Variants in TRPS1 observed in about 807,000 individuals in gnomAD.
TRPS1 encodes zinc finger transcription factor Trps1.
A neutral mutation model predicts 101.2 loss-of-function variants in TRPS1; 6 were observed. That is an observed-to-expected ratio of 0.06 (90% CI 0.03 to 0.12). The LOEUF is 0.12. Among genes scored for constraint, TRPS1 ranks in the 10% least tolerant of loss-of-function variants. The pLI, the probability that TRPS1 is intolerant of heterozygous loss-of-function variation, is 1.00. For synonymous variants in TRPS1, 578 were observed against 589.8 expected (o/e 0.98, Z 0.29); for missense variants, 1,363 against 1,567.0 (o/e 0.87, Z 2.20).
intron 1 of TRPS1, among the ~76,000 whole-genome samples, chr8:115,631,100 C>G (rs1332567536): frequency 6.6e-6 from 1 of 151,942 alleles, no homozygotes; most frequent in Non-Finnish European, 1.5e-5. Context: ...CCAACATTAC[C>G]AAACTACATG....
chr8:115,466,426 AT>A (rs984469027), intron 5 of TRPS1, among the ~76,000 whole-genome samples: 1 of 152,186 alleles, frequency 6.6e-6, no homozygotes, highest in African/African-American at 2.4e-5. Context: ...CTTTCCCTAA[AT>A]GTAGAGAGAG....
At chr8:115,491,824 A>G (rs1266774967) in intron 5 of TRPS1, among the ~76,000 whole-genome samples, 3 of 152,190 alleles carry the variant, frequency 2.0e-5, no homozygotes, top group Non-Finnish European at 1.5e-5. Flanking sequence ...TATCTAGATA[A>G]TAAGTTAACC....
At chr8:115,607,456 G>C (rs1442674466) in intron 3 of TRPS1, among the ~76,000 whole-genome samples, 4 of 150,156 alleles carry the variant, frequency 2.7e-5, no homozygotes, top group Non-Finnish European at 5.9e-5. Flanking sequence ...CAGGGAAAAT[G>C]TGCCAACTTC....
At chr8:115,668,059 G>A in intron 1 of TRPS1, 1 of 671,136 alleles carries the variant, frequency 1.5e-6, no homozygotes, top group Non-Finnish European at 2.5e-6. Context: ...GAGGGGGAGG[G>A]GGCACCGGCC....
chr8:115,655,044 G>A (rs1312250804), intron 1 of TRPS1, among the ~76,000 whole-genome samples: 3 of 152,236 alleles, frequency 2.0e-5, no homozygotes, highest in African/African-American at 4.8e-5. Context: ...GATGGTGAAC[G>A]GACCCAAGTT....
At chr8:115,571,175 C>T (rs942886129) in intron 5 of TRPS1, among the ~76,000 whole-genome samples, 1 of 152,160 alleles carries the variant, frequency 6.6e-6, no homozygotes. Context: ...AGATATAAAA[C>T]TTAAAAGGTT....
intron 5 of TRPS1, among the ~76,000 whole-genome samples, chr8:115,490,865 C>G (rs904781658): frequency 3.9e-5 from 6 of 152,116 alleles, no homozygotes; most frequent in Non-Finnish European, 5.9e-5. Context: ...CAGATTAAAT[C>G]CAGGAGAGAT....
chr8:115,427,251 T>C, intron 5 of TRPS1, among the ~76,000 whole-genome samples: 1 of 152,142 alleles, frequency 6.6e-6, no homozygotes, highest in East Asian at 1.9e-4. Flanking sequence ...TACTCCAGCC[T>C]GGGCAACAGA....
intron 4 of TRPS1, among the ~76,000 whole-genome samples, chr8:115,592,044 T>C (rs980553785): frequency 6.6e-5 from 10 of 152,192 alleles, no homozygotes; most frequent in African/African-American, 2.2e-4. Flanking sequence ...TGTTAACTAC[T>C]GACGATATGC....
At chr8:115,478,525 C>G (rs1370929780) in intron 5 of TRPS1, among the ~76,000 whole-genome samples, 1 of 152,006 alleles carries the variant, frequency 6.6e-6, no homozygotes, top group Non-Finnish European at 1.5e-5. Context: ...TATTCAAGGC[C>G]GGGCACAGTG....
chr8:115,533,107 A>G (rs903682620), intron 5 of TRPS1, among the ~76,000 whole-genome samples: 13 of 152,166 alleles, frequency 8.5e-5, no homozygotes, highest in African/African-American at 3.1e-4. Context: ...ATAGGATCTA[A>G]AATTTCATAC....
chr8:115,494,775 C>A (rs1815108460), intron 5 of TRPS1, among the ~76,000 whole-genome samples: 1 of 152,134 alleles, frequency 6.6e-6, no homozygotes, highest in Admixed American at 6.5e-5. Context: ...AGAGAAAAAA[C>A]AATATTACCC....
chr8:115,553,635 A>T (rs1158103829), intron 5 of TRPS1, among the ~76,000 whole-genome samples: 2 of 152,182 alleles, frequency 1.3e-5, no homozygotes, highest in African/African-American at 4.8e-5. Context: ...ACAATGAATT[A>T]TTTAGGAGAA....
intron 3 of TRPS1, among the ~76,000 whole-genome samples, chr8:115,617,143 G>A (rs567756271): frequency 1.7e-4 from 26 of 152,192 alleles, no homozygotes; most frequent in Admixed American, 1.2e-3. Context: ...AAATAATCAC[G>A]CGCTGTTGCC....
In TRPS1 at chr8:115,412,353, T is replaced by C. The variant is rs977099244; in HGVS notation, c.*1670A>G. ...CACACACACACAAAAGGATATCTAC[T>C]GCAATAGAAATAGTTGCTTCATTAC... On this transcript the variant is annotated 3_prime_UTR_variant, in exon 7 of 7. Coordinates refer to ENST00000395715, the MANE Select transcript of TRPS1 (RefSeq NM_014112.5). 4.6e-5 allele frequency: 7 copies of C among 152,428 alleles called. No individual in the cohort carries two copies. The highest frequency in any genetic ancestry group is 2.6e-4 in the Admixed American group (4 of 15,230). 9.4% of individuals were successfully genotyped at this position (152,428 alleles called of 1,614,324 possible).
At chr8:115,473,344 T>C (rs1485375197) in intron 5 of TRPS1, among the ~76,000 whole-genome samples, 4 of 152,100 alleles carry the variant, frequency 2.6e-5, no homozygotes. Flanking sequence ...TATAAAACTA[T>C]CAGATCTCAT....
chr8:115,453,558 A>T lies in TRPS1; in HGVS notation c.2701-35106T>A, dbSNP rs116214902. Reference sequence around the variant, plus strand: ...CACCTGCCTTCAGACAGTTCATCACATGTCTCAGATAAAGATGAAAACAAG... The same window carrying T: ...CACCTGCCTTCAGACAGTTCATCACTTGTCTCAGATAAAGATGAAAACAAG... On this transcript the variant is annotated intron_variant, in intron 5 of 6. Transcript: ENST00000395715. 7.3e-3 allele frequency among the ~76,000 whole-genome samples: 1,112 copies of T among 152,308 alleles called. 19 individuals are homozygous for T. Among genetic ancestry groups the T allele is most frequent in the African/African-American group, 0.025 (1,043 of 41,558 alleles).
chr8:115,661,712 A>G (rs1459416710), intron 1 of TRPS1: 10 of 151,494 alleles, frequency 6.6e-5, no homozygotes, highest in African/African-American at 2.4e-4. Flanking sequence ...GTTTAAGTAA[A>G]CCTTAAGGGG....
chr8:115,533,447 T>TG (rs1554583408), intron 5 of TRPS1, among the ~76,000 whole-genome samples: 2 of 131,444 alleles, frequency 1.5e-5, no homozygotes, highest in African/African-American at 6.2e-5. Flanking sequence ...TTTTTTTTTT[T>TG]TTTTTTTTTT....
Sources: gnomAD v4.1 joint callset for allele counts (sites outside exome capture counted in the v4.1 genomes callset) on GRCh38, gnomAD v4.1.1 for gene constraint, MANE v1.5 for transcripts, NCBI Gene and HGNC (gene_info 2026-07-23, HGNC 2026-07-21) for gene names.